PRRG1: variants seen among roughly 807,000 people sequenced by gnomAD.
The protein encoded by PRRG1 is proline rich and Gla domain 1.
A neutral mutation model predicts 11.8 loss-of-function variants in PRRG1; 5 were observed. The observed-to-expected ratio is 0.42, with a 90% CI of 0.22 to 0.89. The LOEUF (loss-of-function observed/expected upper bound fraction) is 0.89, where lower values mean the gene tolerates loss of function less well. PRRG1 is among the 40% of genes least tolerant of loss of function. The pLI is 0.28. For missense variants in PRRG1, 155 were observed against 166.1 expected, an observed-to-expected ratio of 0.93 and a Z score of 0.37; for synonymous variants, 66 against 60.4, an observed-to-expected ratio of 1.09 and a Z score of -0.43.
intron 3 of PRRG1, among the ~76,000 whole-genome samples, chrX:37,426,321 A>G (rs1057069467): frequency 1.4e-4 from 16 of 112,198 alleles, no homozygotes; most frequent in African/African-American, 5.2e-4. Context: ...GCCTAATTAC[A>G]GAGAAAGTGT....
At chrX:37,440,275 T>G (rs1932951554) in intron 3 of PRRG1, among the ~76,000 whole-genome samples, 1 of 111,936 alleles carries the variant, frequency 8.9e-6, no homozygotes, top group African/African-American at 3.2e-5. Flanking sequence ...ATTAGCATCA[T>G]ACCATGTAGC....
intron 1 of PRRG1, among the ~76,000 whole-genome samples, chrX:37,387,565 CA>C: frequency 9.0e-6 from 1 of 111,031 alleles, no homozygotes. Context: ...AGGTGCTACA[CA>C]GTTTTAAACA....
intron 1 of PRRG1, among the ~76,000 whole-genome samples, chrX:37,367,617 A>G (rs992202426): frequency 9.0e-6 from 1 of 111,435 alleles, no homozygotes; most frequent in Non-Finnish European, 1.9e-5. Context: ...GCAATGGACT[A>G]TGTAGGTACC....
intron 1 of PRRG1, among the ~76,000 whole-genome samples, chrX:37,376,726 G>A (rs142602453): frequency 0.047 from 4,862 of 104,060 alleles, 296 homozygotes; most frequent in African/African-American, 0.16. Context: ...AACTTTTGGT[G>A]AGGTAGAATC....
At chrX:37,437,355 C>A (rs1932897132) in intron 3 of PRRG1, among the ~76,000 whole-genome samples, 1 of 111,744 alleles carries the variant, frequency 8.9e-6, no homozygotes, top group African/African-American at 3.3e-5. Context: ...TAACCTTGAC[C>A]TATAAAGTTA....
rs1569451372 is a variant in PRRG1, at chrX:37,456,183, T to TA, written c.*2563dup. Reference sequence around the variant, plus strand: ...TTTTAGTATGGTGAATATTGATAGATATAAACCTCATGAACAAAAGTACTT... The same window carrying TA: ...TTTTAGTATGGTGAATATTGATAGATAATAAACCTCATGAACAAAAGTACTT... On this transcript the variant is annotated 3_prime_UTR_variant, in exon 4 of 4. Coordinates refer to ENST00000378628, the MANE Select transcript of PRRG1 (RefSeq NM_001142395.2). 1 of 111,997 alleles carries TA rather than the reference T, an allele frequency of 8.9e-6. No homozygotes were observed. The highest frequency in any genetic ancestry group is 1.9e-5 in the Non-Finnish European group (1 of 53,206). 9.2% of individuals were successfully genotyped at this position (111,997 alleles called of 1,213,427 possible). A position where few individuals can be genotyped will look rare whatever the true frequency, so the allele number is the denominator to read the frequency against.
At position 37,453,802 on chromosome X, in the gene PRRG1, T is replaced by G. The variant is rs1556397525; in HGVS notation, c.*181T>G. The G allele has an allele frequency of 8.0e-6, 4 of 502,008 alleles. No homozygotes were observed. The highest frequency in any genetic ancestry group is 1.2e-5 in the Non-Finnish European group (4 of 332,654). 41.4% of individuals were successfully genotyped at this position (502,008 alleles called of 1,213,427 possible). A position where few individuals can be genotyped will look rare whatever the true frequency, so the allele number is the denominator to read the frequency against. ...GTTATAGAATCATTATCCATGCTCA[T>G]TTTTGCTAGGGGAAATATATGAAGA... On this transcript the variant is annotated 3_prime_UTR_variant, in exon 4 of 4. Coordinates refer to ENST00000378628, the MANE Select transcript of PRRG1 (RefSeq NM_001142395.2).
chrX:37,421,724 G>A (rs1932665504), intron 2 of PRRG1, among the ~76,000 whole-genome samples: 1 of 112,027 alleles, frequency 8.9e-6, no homozygotes, highest in Non-Finnish European at 1.9e-5. Flanking sequence ...GCTGTGTCAT[G>A]GGCAAAAAAG....
intron 3 of PRRG1, among the ~76,000 whole-genome samples, chrX:37,430,679 T>G (rs1238125766): frequency 9.0e-6 from 1 of 111,569 alleles, no homozygotes; most frequent in African/African-American, 3.3e-5. Context: ...GCAAAGATAA[T>G]ACATTGAGGT....
intron 3 of PRRG1, among the ~76,000 whole-genome samples, chrX:37,429,333 A>C (rs1280521434): frequency 4.5e-5 from 5 of 111,981 alleles, no homozygotes; most frequent in Non-Finnish European, 9.4e-5. Flanking sequence ...TTTCCTTTTA[A>C]AATGGAATAC....
chrX:37,384,234 A>G (rs1393275777), intron 1 of PRRG1, among the ~76,000 whole-genome samples: 1 of 111,505 alleles, frequency 9.0e-6, no homozygotes, highest in East Asian at 2.8e-4. Flanking sequence ...CCTGAGTTAT[A>G]TACCGCTATA....
At chrX:37,399,935 T>C (rs1229634443) in intron 1 of PRRG1, among the ~76,000 whole-genome samples, 1 of 111,122 alleles carries the variant, frequency 9.0e-6, no homozygotes, top group Non-Finnish European at 1.9e-5. Flanking sequence ...CAGCTAACTA[T>C]CCTAAATATA....
chrX:37,447,456 A>G (rs782570515), intron 3 of PRRG1, among the ~76,000 whole-genome samples: 2 of 112,565 alleles, frequency 1.8e-5, no homozygotes, highest in East Asian at 2.8e-4. Context: ...TCTTCAATGT[A>G]TATGAAGAAC....
chrX:37,409,569 AAAGTATTTGTAATATCCTGAATCTC>A (rs1171090995), intron 2 of PRRG1, among the ~76,000 whole-genome samples: 3 of 112,544 alleles, frequency 2.7e-5, no homozygotes, highest in African/African-American at 9.7e-5. Context: ...GACCACTTTG[AAAGTATTTGTAATATCCTGAATCTC>A]AAAGAGACTC....
chrX:37,434,661 C>A (rs1248716832), intron 3 of PRRG1, among the ~76,000 whole-genome samples: 3 of 111,630 alleles, frequency 2.7e-5, no homozygotes, highest in African/African-American at 9.8e-5. Context: ...ATTATACCTA[C>A]AGTATGAGGT....
At chrX:37,398,405 C>T (rs1454933630) in intron 1 of PRRG1, among the ~76,000 whole-genome samples, 1 of 112,092 alleles carries the variant, frequency 8.9e-6, no homozygotes, top group African/African-American at 3.2e-5. Context: ...CTCCAACAGA[C>T]CTGCAGCTGA....
At chrX:37,422,224 T>TCAAAATACATTAATGTTGA (rs782570562) in intron 2 of PRRG1, among the ~76,000 whole-genome samples, 13 of 112,161 alleles carry the variant, frequency 1.2e-4, no homozygotes, top group Admixed American at 4.7e-4. Context: ...TCTTAAAAGT[T>TCAAAATACATTAATGTTGA]CAAAATACAT....
chrX:37,453,973 A>C lies in PRRG1; in HGVS notation c.*352A>C. The C allele has an allele frequency of 1.6e-5, 2 of 123,395 alleles. No homozygotes were observed. Among genetic ancestry groups the C allele is most frequent in the Non-Finnish European group, 3.3e-5 (2 of 60,233 alleles). The allele number at this position is 123,395 out of a possible 1,213,427, so 10.2% of individuals were successfully genotyped here. ...TAAAAATCCATTAACTTCTACCTAA[A>C]TCACCTGGAAGGAGAGCATTACTCA... On this transcript the variant is annotated 3_prime_UTR_variant, in exon 4 of 4. Coordinates refer to ENST00000378628, the MANE Select transcript of PRRG1 (RefSeq NM_001142395.2).
chrX:37,369,860 G>A (rs1030505021), intron 1 of PRRG1, among the ~76,000 whole-genome samples: 3 of 111,396 alleles, frequency 2.7e-5, no homozygotes, highest in African/African-American at 6.5e-5. Context: ...TCTCTTGCCT[G>A]CCATCATGTA....
Sources: allele counts gnomAD v4.1 joint callset (sites outside exome capture counted in the v4.1 genomes callset), GRCh38; gene constraint gnomAD v4.1.1; transcripts MANE v1.5; gene names NCBI Gene and HGNC (gene_info 2026-07-23, HGNC 2026-07-21).